The following TVP23A variants were observed in gnomAD, a reference collection of about 807,000 sequenced individuals.
The protein encoded by TVP23A is Golgi apparatus membrane protein TVP23 homolog A.
In TVP23A, 21 loss-of-function variants were observed where a neutral mutation model predicts 31.7. The ratio of observed to expected loss-of-function variants is 0.66; its 90% CI spans 0.47 to 0.95. The LOEUF is 0.95. Among genes scored for constraint, TVP23A ranks in the 40% least tolerant of loss-of-function variants. The pLI, the probability that TVP23A is intolerant of heterozygous loss-of-function variation, is 0.00. For synonymous variants in TVP23A, 104 were observed against 96.0 expected, an observed-to-expected ratio of 1.08 and a Z score of -0.49; for missense variants, 279 against 255.6, an observed-to-expected ratio of 1.09 and a Z score of -0.62.
chr16:10,785,532 T>A (rs142904289), intron 2 of TVP23A, among the ~76,000 whole-genome samples: 21 of 152,344 alleles, frequency 1.4e-4, no homozygotes, highest in African/African-American at 5.0e-4. Context: ...CAGGTCTGAT[T>A]TGGGGGTGTA....
Position 10,777,553 on chromosome 16 carries a change from C to G in TVP23A, c.90-2457G>C, listed in dbSNP as rs1447374305. On this transcript the variant is annotated intron_variant, in intron 2 of 7. Coordinates refer to ENST00000299866, the MANE Select transcript of TVP23A (RefSeq NM_001079512.4). This position sits in a 1 kb window ranked among gnomAD's most constrained non-coding sequence, Gnocchi z 4.5. Reference sequence around the variant, plus strand: ...TCTACAACTGTGGGGCTTCCGACTCCCAGGGGAATGTTAAGATTCAGAAGC... The same window carrying G: ...TCTACAACTGTGGGGCTTCCGACTCGCAGGGGAATGTTAAGATTCAGAAGC... Among the ~76,000 whole-genome samples the G allele has an allele frequency of 6.6e-6, 1 of 151,934 alleles. No individual in the cohort carries two copies. Among genetic ancestry groups the G allele is most frequent in the Non-Finnish European group, 1.5e-5 (1 of 67,996 alleles).
intron 2 of TVP23A, among the ~76,000 whole-genome samples, chr16:10,800,093 T>C (rs2033624073): frequency 6.6e-6 from 1 of 151,090 alleles, no homozygotes; most frequent in Non-Finnish European, 1.5e-5. Context: ...TTTTCTTTAA[T>C]TGAAAACAAT....
At chr16:10,789,064 G>C (rs1002845577) in intron 2 of TVP23A, among the ~76,000 whole-genome samples, 2 of 152,172 alleles carry the variant, frequency 1.3e-5, no homozygotes, top group Non-Finnish European at 2.9e-5. Context: ...TCCTGACCTT[G>C]TGATCCACCT....
chr16:10,789,660 T>G (rs1021275921), intron 2 of TVP23A, among the ~76,000 whole-genome samples: 2 of 119,646 alleles, frequency 1.7e-5, no homozygotes, highest in African/African-American at 3.6e-5. Context: ...AAACCCCATC[T>G]CTACTAAAAA....
Position 10,818,396 on chromosome 16 carries a change from T to C in TVP23A, c.9+89A>G. ...CAGCCCAGCCCCAGGCCCCGGCGCATCCCTCCTCCTCCTCCCGGCTTCTCC... is the reference window on the plus strand; with the variant it reads ...CAGCCCAGCCCCAGGCCCCGGCGCACCCCTCCTCCTCCTCCCGGCTTCTCC... On this transcript the variant is annotated intron_variant, in intron 1 of 7. Transcript: ENST00000299866. This position sits in a 1 kb window ranked among gnomAD's most constrained non-coding sequence, Gnocchi z 4.7. The C allele has an allele frequency of 6.5e-7, 1 of 1,537,076 alleles. No individual in the cohort carries two copies. The highest frequency in any genetic ancestry group is 8.8e-7 in the Non-Finnish European group (1 of 1,136,036).
At chr16:10,764,662 T>C (rs927793843), downstream of TVP23A, among the ~76,000 whole-genome samples, 2 of 151,000 alleles carry the variant, frequency 1.3e-5, no homozygotes, top group South Asian at 2.1e-4. Context: ...TGTCAGTCTA[T>C]TGGAGCATCT....
intron 2 of TVP23A, among the ~76,000 whole-genome samples, chr16:10,814,571 T>A (rs140354929): frequency 1.1e-4 from 17 of 150,894 alleles, no homozygotes; most frequent in Non-Finnish European, 2.2e-4. Flanking sequence ...TGATCTCCTA[T>A]CCTACTTCCA....
At chr16:10,762,010 C>T (rs1192707432), downstream of TVP23A, 3 of 605,164 alleles carry the variant, frequency 5.0e-6, no homozygotes, top group Non-Finnish European at 8.6e-6. Flanking sequence ...AGCTGGCACC[C>T]CAAGAGGCCA....
chr16:10,818,471 C>G lies in TVP23A; in HGVS notation c.9+14G>C, dbSNP rs773402933. On this transcript the variant is annotated intron_variant, in intron 1 of 7. Transcript: ENST00000299866. This position sits in a 1 kb window ranked among gnomAD's most constrained non-coding sequence, Gnocchi z 4.7. ...CCCGCCCCGCCTCCAGCCCCAGCATCCCCGAGGCCCTACCTGCTTCATCAC... is the reference window on the plus strand; with the variant it reads ...CCCGCCCCGCCTCCAGCCCCAGCATGCCCGAGGCCCTACCTGCTTCATCAC... 16 of 1,604,608 alleles carry G rather than the reference C, an allele frequency of 1.0e-5. No homozygotes were observed. Among genetic ancestry groups the G allele is most frequent in the African/African-American group, 1.3e-5 (1 of 74,820 alleles).
chr16:10,769,862 C>G (rs915109565), intron 7 of TVP23A, among the ~76,000 whole-genome samples: 11 of 152,152 alleles, frequency 7.2e-5, no homozygotes, highest in African/African-American at 2.7e-4. Context: ...CTGTTTGAGA[C>G]ACACAGGATC....
chr16:10,795,251 CT>C (rs57002015), intron 2 of TVP23A, among the ~76,000 whole-genome samples: 18,737 of 139,064 alleles, frequency 0.13, 2,125 homozygotes, highest in East Asian at 0.46. Flanking sequence ...TTATATGATG[CT>C]TTTTTTTTTT....
chr16:10,814,661 G>A (rs2034356392), intron 2 of TVP23A, among the ~76,000 whole-genome samples: 1 of 152,138 alleles, frequency 6.6e-6, no homozygotes, highest in Non-Finnish European at 1.5e-5. Context: ...CCTGCCCAAT[G>A]CCACAGCCAC....
Position 10,777,908 on chromosome 16 carries a change from C to G in TVP23A, c.90-2812G>C, listed in dbSNP as rs538535980. ...CGCCTGTAGTCCCAGCTACTCGGGA[C>G]GCTGAGGCAGGAGAATTGCTTGAAT... On this transcript the variant is annotated intron_variant, in intron 2 of 7. Coordinates refer to ENST00000299866, the MANE Select transcript of TVP23A (RefSeq NM_001079512.4). This position sits in a 1 kb window ranked among gnomAD's most constrained non-coding sequence, Gnocchi z 4.5. 6.6e-4 allele frequency among the ~76,000 whole-genome samples: 100 copies of G among 151,838 alleles called. No individual in the cohort carries two copies. The highest frequency in any genetic ancestry group is 1.6e-4 in the Non-Finnish European group (11 of 67,954).
downstream of TVP23A, among the ~76,000 whole-genome samples, chr16:10,764,603 G>A (rs1804912901): frequency 6.6e-6 from 1 of 150,812 alleles, no homozygotes; most frequent in African/African-American, 2.5e-5. Context: ...GAGCATCTCA[G>A]TCTGCTGGAG....
At chr16:10,786,711 ATG>A (rs2032773376) in intron 2 of TVP23A, among the ~76,000 whole-genome samples, 2 of 330 alleles carry the variant, frequency 6.1e-3, no homozygotes, top group African/African-American at 0.022. Context: ...CATCCTGGTG[ATG>A]ACTGGGGATG....
intron 2 of TVP23A, among the ~76,000 whole-genome samples, chr16:10,803,535 C>G (rs1389021046): frequency 1.3e-5 from 2 of 152,060 alleles, no homozygotes; most frequent in Non-Finnish European, 2.9e-5. Context: ...AATGGGTAAA[C>G]AGAGTCACAA....
At chr16:10,810,684 A>G (rs2034156478) in intron 2 of TVP23A, among the ~76,000 whole-genome samples, 1 of 152,158 alleles carries the variant, frequency 6.6e-6, no homozygotes, top group Non-Finnish European at 1.5e-5. Flanking sequence ...TCCCTGCTTG[A>G]GCTAGGATAG....
rs2031058228 is a variant in TVP23A, at chr16:10,767,446, T to G, written c.*1656A>C. The G allele has an allele frequency of 2.5e-6, 1 of 399,556 alleles. No homozygotes were observed. The highest frequency in any genetic ancestry group is 4.4e-6 in the Non-Finnish European group (1 of 227,352). 24.8% of individuals were successfully genotyped at this position (399,556 alleles called of 1,614,324 possible). A position where few individuals can be genotyped will look rare whatever the true frequency, so the allele number is the denominator to read the frequency against. On this transcript the variant is annotated 3_prime_UTR_variant, in exon 8 of 8. Coordinates refer to ENST00000299866, the MANE Select transcript of TVP23A (RefSeq NM_001079512.4). This position sits in a 1 kb window ranked among gnomAD's most constrained non-coding sequence, Gnocchi z 4.6. ...AGAATGTGTGTGTCATGTGCTCCCA[T>G]TCGTATTTTAGGTATATGAGAGTGT...
At position 10,768,807 on chromosome 16, in the gene TVP23A, C is replaced by T; in HGVS notation, c.*295G>A. On this transcript the variant is annotated 3_prime_UTR_variant, in exon 8 of 8. Transcript: ENST00000299866. The surrounding 1 kb of genome is among the most constrained non-coding windows in gnomAD (Gnocchi z 4.3). ...GTCAAGGGTAAGGAAACAGCATTCC[C>T]AGAATCCTCCATCTATAGATGGTCC... is the stretch of plus-strand genomic sequence containing the variant. 1 of 428,194 alleles carries T rather than the reference C, an allele frequency of 2.3e-6. No homozygotes were observed. Among genetic ancestry groups the T allele is most frequent in the Non-Finnish European group, 4.1e-6 (1 of 241,876 alleles). 26.5% of individuals were successfully genotyped at this position (428,194 alleles called of 1,614,324 possible).
Sources: allele counts gnomAD v4.1 joint callset (sites outside exome capture counted in the v4.1 genomes callset), GRCh38; gene constraint gnomAD v4.1.1; non-coding constraint Gnocchi (gnomAD v3.1); transcripts MANE v1.5; gene names NCBI Gene and HGNC (gene_info 2026-07-23, HGNC 2026-07-21).